Variants in KCNH8 observed in about 807,000 individuals in gnomAD.
KCNH8 encodes voltage-gated delayed rectifier potassium channel KCNH8.
A neutral mutation model predicts 103.6 loss-of-function variants in KCNH8; 70 were observed. The observed-to-expected ratio is 0.68, with a 90% CI of 0.56 to 0.82. The LOEUF is 0.82. KCNH8 is among the 40% of genes least tolerant of loss of function. The probability of loss-of-function intolerance (pLI) is 0.00; values close to 1 mark genes in which losing one functional copy is unlikely to be tolerated. For missense variants in KCNH8, 1,217 were observed against 1,329.9 expected (o/e 0.92, Z 1.32); for synonymous variants, 498 against 489.4 (o/e 1.02, Z -0.23).
intron 5 of KCNH8, among the ~76,000 whole-genome samples, chr3:19,376,419 C>A (rs370261205): frequency 2.0e-5 from 3 of 152,188 alleles, no homozygotes; most frequent in Non-Finnish European, 4.4e-5. Flanking sequence ...TGACCCCTTG[C>A]GCTTCCCGAG....
At chr3:19,387,680 T>C (rs915077384) in intron 5 of KCNH8, among the ~76,000 whole-genome samples, 1 of 152,222 alleles carries the variant, frequency 6.6e-6, no homozygotes, top group Non-Finnish European at 1.5e-5. Flanking sequence ...GAAAATAATA[T>C]ATATCTAGGT....
At chr3:19,151,562 A>G (rs974292169) in intron 1 of KCNH8, among the ~76,000 whole-genome samples, 1 of 152,128 alleles carries the variant, frequency 6.6e-6, no homozygotes. Context: ...GGAGAATAAT[A>G]AAACAATGTA....
In KCNH8 at chr3:19,177,655, GAGAA is replaced by G. The variant is rs569860127; in HGVS notation, c.76+28867_76+28870del. ...TTATACACCTACAGAGACAGAGAGTGAGAAAGAAAGGAGAGAGAACAAGGGTGTG... is the reference window on the plus strand; with the variant it reads ...TTATACACCTACAGAGACAGAGAGTGAGAAAGGAGAGAGAACAAGGGTGTG... On this transcript the variant is annotated intron_variant, in intron 1 of 15. Coordinates refer to ENST00000328405, the MANE Select transcript of KCNH8 (RefSeq NM_144633.3). Among the ~76,000 whole-genome samples, 28 of 152,070 alleles carry G rather than the reference GAGAA, an allele frequency of 1.8e-4. No individual in the cohort carries two copies. In the East Asian group the frequency reaches 4.8e-3, roughly 26 times the overall value.
chr3:19,375,896 G>T (rs1431603827), intron 5 of KCNH8, among the ~76,000 whole-genome samples: 1 of 152,144 alleles, frequency 6.6e-6, no homozygotes, highest in African/African-American at 2.4e-5. Context: ...TTGCTGGGGG[G>T]TGCCTCCCAG....
chr3:19,507,624 T>C (rs2068717911), intron 11 of KCNH8, among the ~76,000 whole-genome samples: 1 of 152,096 alleles, frequency 6.6e-6, no homozygotes, highest in African/African-American at 2.4e-5. Context: ...CCAACTGACA[T>C]GTTCAGGTGG....
intron 11 of KCNH8, among the ~76,000 whole-genome samples, chr3:19,502,426 A>G (rs2068605407): frequency 1.3e-5 from 2 of 151,774 alleles, no homozygotes; most frequent in African/African-American, 4.8e-5. Flanking sequence ...AAACTACTTT[A>G]AAGTTCATAT....
At chr3:19,459,405 ATC>A (rs2067585671) in intron 11 of KCNH8, among the ~76,000 whole-genome samples, 1 of 151,980 alleles carries the variant, frequency 6.6e-6, no homozygotes. Flanking sequence ...CATTCTGGTC[ATC>A]TGTTTTAAAA....
chr3:19,264,556 C>T (rs770864887), intron 2 of KCNH8, among the ~76,000 whole-genome samples: 11 of 152,074 alleles, frequency 7.2e-5, no homozygotes, highest in African/African-American at 1.9e-4. Context: ...GAGATCAGGT[C>T]GCAGTGCATT....
intron 7 of KCNH8, among the ~76,000 whole-genome samples, chr3:19,416,518 T>G (rs2066865378): frequency 6.6e-6 from 1 of 152,188 alleles, no homozygotes; most frequent in South Asian, 2.1e-4. Context: ...AAATTCATTG[T>G]GTTCTAAGTT....
chr3:19,501,771 T>G (rs898507670), intron 11 of KCNH8, among the ~76,000 whole-genome samples: 1 of 152,200 alleles, frequency 6.6e-6, no homozygotes, highest in African/African-American at 2.4e-5. Context: ...TGATGTGACG[T>G]ATCTCAAAAT....
Position 19,451,354 on chromosome 3 carries a change from G to T in KCNH8, c.1775G>T (p.Cys592Phe). 6.2e-7 allele frequency: 1 copy of T among 1,613,744 alleles called. No homozygotes were observed. Among genetic ancestry groups the T allele is most frequent in the Non-Finnish European group, 8.5e-7 (1 of 1,179,772 alleles). ...GCTTTGCAGGCCATCTACTTTGTAT[G>T]CTCGGGCTCCATGGAAGTTCTTAAA... ...GDALQAIYFV[C>F]SGSMEVLKDS... The change falls in exon 10 of 16, where the codon TGC becomes TTC. Residue 592 changes from cysteine to phenylalanine, a missense_variant. This residue lies in a region of KCNH8 where 415 missense variants were observed against 577.4 expected (regional missense o/e 0.72). Transcript: ENST00000328405.
intron 7 of KCNH8, among the ~76,000 whole-genome samples, chr3:19,426,620 T>C (rs147358230): frequency 1.6e-3 from 248 of 151,416 alleles, no homozygotes; most frequent in African/African-American, 5.8e-3. Flanking sequence ...TTTGACTGAA[T>C]GTTGTGAGTT....
intron 5 of KCNH8, among the ~76,000 whole-genome samples, chr3:19,368,740 T>C (rs1387478356): frequency 6.6e-6 from 1 of 152,006 alleles, no homozygotes; most frequent in Non-Finnish European, 1.5e-5. Flanking sequence ...AGTTATTGTG[T>C]CTTGGAATTG....
chr3:19,324,856 C>T (rs2065399239), intron 3 of KCNH8, among the ~76,000 whole-genome samples: 1 of 151,934 alleles, frequency 6.6e-6, no homozygotes, highest in African/African-American at 2.4e-5. Flanking sequence ...TCATGTGGAA[C>T]CAAAAAAGGG....
chr3:19,467,474 G>T (rs561177200), intron 11 of KCNH8, among the ~76,000 whole-genome samples: 2 of 152,228 alleles, frequency 1.3e-5, no homozygotes, highest in African/African-American at 4.8e-5. Context: ...CATGCAACTT[G>T]GGTACAGTTA....
chr3:19,158,651 A>G (rs2063204229), intron 1 of KCNH8, among the ~76,000 whole-genome samples: 1 of 151,820 alleles, frequency 6.6e-6, no homozygotes, highest in South Asian at 2.1e-4. Context: ...TATCTTTGCA[A>G]TTGCTATGTA....
At chr3:19,417,958 G>T (rs1256475828) in intron 7 of KCNH8, among the ~76,000 whole-genome samples, 1 of 152,036 alleles carries the variant, frequency 6.6e-6, no homozygotes, top group Non-Finnish European at 1.5e-5. Flanking sequence ...AATCAAGGTG[G>T]ACACAAAAAT....
intron 11 of KCNH8, among the ~76,000 whole-genome samples, chr3:19,495,620 G>A (rs1301624613): frequency 2.0e-5 from 3 of 152,086 alleles, no homozygotes; most frequent in Admixed American, 2.0e-4. Context: ...TTGTAATATA[G>A]CTTGAAGTCA....
intron 1 of KCNH8, among the ~76,000 whole-genome samples, chr3:19,208,621 C>T (rs1386389886): frequency 6.6e-6 from 1 of 151,794 alleles, no homozygotes; most frequent in Admixed American, 6.6e-5. Context: ...ATTTCCAAGC[C>T]CATTGGTGAG....
Sources: gnomAD v4.1 joint callset for allele counts (sites outside exome capture counted in the v4.1 genomes callset) on GRCh38, gnomAD v4.1.1 for gene constraint, gnomAD v4.1.1 regional missense constraint, MANE v1.5 for transcripts, NCBI Gene and HGNC (gene_info 2026-07-23, HGNC 2026-07-21) for gene names.